CTNND1: variants seen among roughly 807,000 people sequenced by gnomAD.
The protein encoded by CTNND1 is catenin delta-1.
A neutral mutation model predicts 112.1 loss-of-function variants in CTNND1; 16 were observed. The observed-to-expected ratio is 0.14, with a 90% CI of 0.10 to 0.22. The LOEUF (loss-of-function observed/expected upper bound fraction) is 0.22. CTNND1 is among the 10% of genes least tolerant of loss of function. The pLI, the probability that CTNND1 is intolerant of heterozygous loss-of-function variation, is 1.00. For missense variants in CTNND1, 1,008 were observed against 1,257.0 expected (o/e 0.80, Z 3.00); for synonymous variants, 420 against 446.5 (o/e 0.94, Z 0.75).
chr11:57,790,708 C>T (rs1483231396), intron 2 of CTNND1, among the ~76,000 whole-genome samples: 1 of 150,750 alleles, frequency 6.6e-6, no homozygotes, highest in Admixed American at 6.7e-5. Context: ...CAGGCTCCCG[C>T]CACCACGCCC....
At chr11:57,775,348 AACAC>A (rs147874424) in intron 1 of CTNND1, among the ~76,000 whole-genome samples, 272 of 141,546 alleles carry the variant, frequency 1.9e-3, no homozygotes, top group Non-Finnish European at 3.2e-3. Flanking sequence ...AAAAAAAAAC[AACAC>A]ACACACACAC....
At chr11:57,814,435 C>T in intron 18 of CTNND1, 62 bp downstream of exon 18, 1 of 1,283,728 alleles carries the variant, frequency 7.8e-7, no homozygotes, top group Non-Finnish European at 1.1e-6. Context: ...GGAGAGCTGT[C>T]TAGCTCTATA....
At chr11:57,797,358 G>A (rs953628393) in intron 6 of CTNND1, among the ~76,000 whole-genome samples, 1 of 148,400 alleles carries the variant, frequency 6.7e-6, no homozygotes, top group African/African-American at 2.4e-5. Flanking sequence ...AGCCTCCCTA[G>A]TAGTTGGGAC....
intron 4 of CTNND1, 117 bp downstream of exon 4, chr11:57,794,198 A>T: frequency 1.2e-6 from 1 of 830,966 alleles, no homozygotes. Context: ...CTCGTCAATT[A>T]GTTTCTTTTA....
At chr11:57,775,608 T>C (rs773730115) in intron 1 of CTNND1, among the ~76,000 whole-genome samples, 2 of 152,136 alleles carry the variant, frequency 1.3e-5, no homozygotes, top group Non-Finnish European at 2.9e-5. Flanking sequence ...GGAGAGGATG[T>C]TAGCATTGAA....
intron 6 of CTNND1, among the ~76,000 whole-genome samples, chr11:57,798,269 C>T (rs568311208): frequency 2.0e-5 from 3 of 149,954 alleles, no homozygotes; most frequent in Non-Finnish European, 1.5e-5. Flanking sequence ...ATCACTTGAA[C>T]CCGGGTGGCA....
chr11:57,812,362 A>T (rs1330500320), intron 17 of CTNND1, among the ~76,000 whole-genome samples: 1 of 152,242 alleles, frequency 6.6e-6, no homozygotes, highest in East Asian at 1.9e-4. Flanking sequence ...TCTACTAAAA[A>T]TACAAAAATT....
At position 57,809,310 on chromosome 11, in the gene CTNND1, CAGG is replaced by C. The variant is rs1369599133; in HGVS notation, c.2284_2286del (p.Gly762del). 1 of 1,613,786 alleles carries C rather than the reference CAGG, an allele frequency of 6.2e-7. No homozygotes were observed. Among genetic ancestry groups the C allele is most frequent in the Admixed American group, 1.7e-5 (1 of 60,008 alleles). ...ATTCCTAACTTGGTAAAGAATCTGC[CAGG>C]AGGACAGCAGAACTCCTCTTGGAAT... On this transcript the variant is annotated inframe_deletion, in exon 15 of 21. Coordinates refer to ENST00000399050, the MANE Select transcript of CTNND1 (RefSeq NM_001085458.2).
chr11:57,815,462 G>A lies in CTNND1; in HGVS notation c.2770G>A (p.Gly924Ser). The A allele has an allele frequency of 6.2e-7, 1 of 1,612,720 alleles. No homozygotes were observed. Among genetic ancestry groups the A allele is most frequent in the South Asian group, 1.1e-5 (1 of 90,790 alleles). ...AACACTGGATCGATCGGGGGATCTA[G>A]GCGACATGGAGCCATTGAAGGGAAC... is the stretch of plus-strand genomic sequence containing the variant. ...NRTLDRSGDL[G>S]DMEPLKGTTP... is the part of the protein sequence containing the mutation. The change falls in exon 19 of 21, where the codon GGC becomes AGC. Residue 924 changes from glycine (G) to serine (S), a missense_variant. Gly to Ser is a moderately conservative substitution (Grantham distance 56). Coordinates refer to ENST00000399050, the MANE Select transcript of CTNND1 (RefSeq NM_001085458.2).
intron 15 of CTNND1, 134 bp downstream of exon 15, chr11:57,809,600 G>T (rs915670331): frequency 1.4e-6 from 1 of 718,072 alleles, no homozygotes; most frequent in Middle Eastern, 3.9e-4. Flanking sequence ...TCTATTATCT[G>T]TCTTAATGTT....
chr11:57,776,871 C>T (rs946429830), intron 1 of CTNND1, among the ~76,000 whole-genome samples: 1 of 152,178 alleles, frequency 6.6e-6, no homozygotes. Flanking sequence ...GTGTTCAGTT[C>T]TCTGTCTGGG....
At chr11:57,767,653 C>T (rs889559904) in intron 1 of CTNND1, among the ~76,000 whole-genome samples, 1 of 148,292 alleles carries the variant, frequency 6.7e-6, no homozygotes, top group Non-Finnish European at 1.5e-5. Context: ...CTGCCTTGGC[C>T]TCCTTGTCTG....
chr11:57,784,329 A>C (rs1028206721), intron 1 of CTNND1, among the ~76,000 whole-genome samples: 1 of 150,016 alleles, frequency 6.7e-6, no homozygotes, highest in Non-Finnish European at 1.5e-5. Flanking sequence ...GGATTGCTTG[A>C]GCCCACGAGG....
In CTNND1 at chr11:57,787,646, C is replaced by T. The variant is rs1204023194; in HGVS notation, c.-213-1391C>T. Among the ~76,000 whole-genome samples, 25 of 152,112 alleles carry T rather than the reference C, an allele frequency of 1.6e-4. 1 individual carries two copies. Among genetic ancestry groups the T allele is most frequent in the Admixed American group, 1.6e-3 (25 of 15,256 alleles). ...GTGAGAATATGACAGGGTTTACTGC[C>T]ATTGTTGGGTAGTAGTAGAGCCAGA... is the stretch of plus-strand genomic sequence containing the variant. On this transcript the variant is annotated intron_variant, in intron 1 of 20. Coordinates refer to ENST00000399050, the MANE Select transcript of CTNND1 (RefSeq NM_001085458.2).
intron 2 of CTNND1, among the ~76,000 whole-genome samples, chr11:57,790,327 C>T (rs946443614): frequency 2.0e-5 from 3 of 151,770 alleles, no homozygotes; most frequent in East Asian, 1.9e-4. Context: ...CCACCCACCT[C>T]GGCCTCGTAA....
intron 1 of CTNND1, among the ~76,000 whole-genome samples, chr11:57,782,808 C>CACT (rs2059715866): frequency 6.6e-6 from 1 of 152,204 alleles, no homozygotes; most frequent in African/African-American, 2.4e-5. Flanking sequence ...AAAGAGTGAA[C>CACT]ACTAGGAGAA....
rs1467843484 is a variant in CTNND1, at chr11:57,809,425, G to C, written c.2394G>C (p.Glu798Asp). The part of the protein sequence containing the change: ...ENLEAAKKLR[E>D]TQGIEKLVLI... ...TGGAGGCTGCCAAAAAGCTTCGAGAGACACAGGGTATTGAGAAGCTGGTGT... is the reference window on the plus strand; with the variant it reads ...TGGAGGCTGCCAAAAAGCTTCGAGACACACAGGGTATTGAGAAGCTGGTGT... The change falls in exon 15 of 21, where the codon GAG becomes GAC. Residue 798 changes from glutamate (E) to aspartate (D), a missense_variant. By Grantham distance (45) the Glu-to-Asp change is conservative (BLOSUM62 2). Coordinates refer to ENST00000399050, the MANE Select transcript of CTNND1 (RefSeq NM_001085458.2). The C allele has an allele frequency of 2.5e-6, 4 of 1,613,498 alleles. No individual in the cohort carries two copies. In the African/African-American group the frequency reaches 5.3e-5, roughly 22 times the overall value.
At position 57,806,389 on chromosome 11, in the gene CTNND1, G is replaced by A. The variant is rs2062670670; in HGVS notation, c.1877-72G>A. ...CTGCTTATTTGCCCATGATTCTGCT[G>A]ACATCTTTCTCCTGCATTTTTCTTA... On this transcript the variant is annotated intron_variant, in intron 10 of 20. Transcript: ENST00000399050. 5 of 1,369,546 alleles carry A rather than the reference G, an allele frequency of 3.7e-6. No individual in the cohort carries two copies. In the Admixed American group the frequency reaches 9.9e-5, roughly 27 times the overall value. 84.8% of individuals were successfully genotyped at this position (1,369,546 alleles called of 1,614,324 possible). A position where few individuals can be genotyped will look rare whatever the true frequency, so the allele number is the denominator to read the frequency against.
Position 57,791,526 on chromosome 11 carries a change from G to A in CTNND1, c.48G>A (p.Val16=). 6.2e-7 allele frequency: 1 copy of A among 1,601,972 alleles called. No homozygotes were observed. The highest frequency in any genetic ancestry group is 8.5e-7 in the Non-Finnish European group (1 of 1,174,908). Reference sequence around the variant, plus strand: ...CGACCGCCAGCATCTTGGCCTCTGTGAAGGAACAAGAGGCCCAGTTTGAGA... The same window carrying A: ...CGACCGCCAGCATCTTGGCCTCTGTAAAGGAACAAGAGGCCCAGTTTGAGA... ...VESTASILAS[V]KEQEAQFEKL... The change falls in exon 3 of 21, where the codon GTG becomes GTA. Residue 16 remains valine (V), a synonymous_variant. Transcript: ENST00000399050.
Sources: allele counts gnomAD v4.1 joint callset (sites outside exome capture counted in the v4.1 genomes callset), GRCh38; gene constraint gnomAD v4.1.1; transcripts MANE v1.5; gene names NCBI Gene and HGNC (gene_info 2026-07-23, HGNC 2026-07-21).